The following ADAMTSL1 variants were observed in gnomAD, a reference collection of about 807,000 sequenced individuals.
ADAMTSL1 encodes the protein ADAMTS like 1, also known as ADAMTS-like protein 1.
In ADAMTSL1, 126 loss-of-function variants were observed where a neutral mutation model predicts 201.8. That is an observed-to-expected ratio of 0.62 (90% CI 0.54 to 0.72). The LOEUF (loss-of-function observed/expected upper bound fraction) is 0.72. Among genes scored for constraint, ADAMTSL1 ranks in the 30% least tolerant of loss-of-function variants. The probability of loss-of-function intolerance (pLI) is 0.00; values close to 1 mark genes in which losing one functional copy is unlikely to be tolerated. For missense variants in ADAMTSL1, 2,679 were observed against 2,277.8 expected, an observed-to-expected ratio of 1.18 and a Z score of -3.59; for synonymous variants, 1,121 against 903.4, an observed-to-expected ratio of 1.24 and a Z score of -4.32.
intron 1 of ADAMTSL1, among the ~76,000 whole-genome samples, chr9:18,014,509 A>G (rs930054167): frequency 6.6e-6 from 1 of 152,096 alleles, no homozygotes; most frequent in African/African-American, 2.4e-5. Context: ...AGACTAATGA[A>G]AAGGAATTCA....
chr9:17,959,793 C>T (rs538829486), intron 1 of ADAMTSL1, among the ~76,000 whole-genome samples: 1 of 152,084 alleles, frequency 6.6e-6, no homozygotes, highest in African/African-American at 2.4e-5. Flanking sequence ...CTTCTTTCTT[C>T]TACCCTGACC....
intron 14 of ADAMTSL1, among the ~76,000 whole-genome samples, chr9:18,710,045 A>T (rs2133349329): frequency 6.6e-6 from 1 of 152,304 alleles, no homozygotes; most frequent in Admixed American, 6.5e-5. Flanking sequence ...TGATGAGCTA[A>T]CTTCTCACAT....
At chr9:18,342,306 A>G (rs1399977621) in intron 2 of ADAMTSL1, among the ~76,000 whole-genome samples, 1 of 152,126 alleles carries the variant, frequency 6.6e-6, no homozygotes, top group African/African-American at 2.4e-5. Flanking sequence ...TAGACAGTAT[A>G]TAGGTCATTG....
chr9:18,703,832 G>T (rs918326347), intron 13 of ADAMTSL1, among the ~76,000 whole-genome samples: 2 of 149,144 alleles, frequency 1.3e-5, no homozygotes, highest in African/African-American at 4.9e-5. Flanking sequence ...ATGTGCTTTT[G>T]GTATATCTTC....
chr9:18,253,496 C>T (rs1026542038), intron 2 of ADAMTSL1, among the ~76,000 whole-genome samples: 2 of 152,084 alleles, frequency 1.3e-5, no homozygotes, highest in East Asian at 1.9e-4. Context: ...AGAATGAAAA[C>T]TTCCACTTTC....
intron 4 of ADAMTSL1, among the ~76,000 whole-genome samples, chr9:18,613,910 C>A (rs1020084582): frequency 1.3e-5 from 2 of 152,116 alleles, no homozygotes; most frequent in Non-Finnish European, 2.9e-5. Flanking sequence ...AATATTATGA[C>A]TGAGGAGAAA....
chr9:18,186,559 T>G (rs1342297934), intron 2 of ADAMTSL1, among the ~76,000 whole-genome samples: 2 of 152,168 alleles, frequency 1.3e-5, no homozygotes, highest in East Asian at 3.9e-4. Context: ...AAGTAGACTT[T>G]GCATTTCAGT....
At chr9:18,209,342 C>T (rs747794413) in intron 2 of ADAMTSL1, among the ~76,000 whole-genome samples, 1 of 152,080 alleles carries the variant, frequency 6.6e-6, no homozygotes, top group Non-Finnish European at 1.5e-5. Flanking sequence ...GTGAATATGG[C>T]ACATTTATGC....
At chr9:18,599,872 G>T (rs1473314639) in intron 4 of ADAMTSL1, among the ~76,000 whole-genome samples, 1 of 150,946 alleles carries the variant, frequency 6.6e-6, no homozygotes, top group Non-Finnish European at 1.5e-5. Context: ...ATCAGATCTG[G>T]CTGGGCGCGG....
Position 18,031,885 on chromosome 9 carries a change from C to T in ADAMTSL1, c.87+124963C>T, listed in dbSNP as rs977763931. ...TATGTCTGTGAGTGGTCTGATGATA[C>T]AGGGGTCAAAGGCACATGATCCTGG... is the stretch of plus-strand genomic sequence containing the variant. On this transcript the variant is annotated intron_variant, in intron 1 of 29. Transcript: ENST00000680146. Among the ~76,000 whole-genome samples the T allele has an allele frequency of 3.3e-5, 5 of 152,270 alleles. No individual in the cohort carries two copies. The East Asian group carries it at 5.8e-4, about 18-fold the overall frequency.
chr9:18,767,042 A>G (rs1291930055), intron 16 of ADAMTSL1, among the ~76,000 whole-genome samples: 3 of 152,038 alleles, frequency 2.0e-5, no homozygotes, highest in Non-Finnish European at 4.4e-5. Flanking sequence ...AAAAGGAAAA[A>G]CTCAGGGGCC....
At chr9:18,323,742 A>G (rs1451942723) in intron 2 of ADAMTSL1, among the ~76,000 whole-genome samples, 2 of 152,214 alleles carry the variant, frequency 1.3e-5, no homozygotes, top group Non-Finnish European at 2.9e-5. Flanking sequence ...AGCTTTAAAC[A>G]TATGAAATAC....
At chr9:18,499,014 C>A (rs1822691063) in intron 1 of ADAMTSL1, among the ~76,000 whole-genome samples, 1 of 152,228 alleles carries the variant, frequency 6.6e-6, no homozygotes, top group Non-Finnish European at 1.5e-5. Context: ...GCTGAGAAAG[C>A]AAAAGGGAGA....
intron 2 of ADAMTSL1, among the ~76,000 whole-genome samples, chr9:18,315,661 C>T (rs753887969): frequency 2.0e-5 from 3 of 152,188 alleles, no homozygotes; most frequent in Non-Finnish European, 4.4e-5. Flanking sequence ...CTGGAACTCG[C>T]GCTGGCCCAC....
chr9:18,648,096 G>A (rs1221378527), intron 7 of ADAMTSL1, among the ~76,000 whole-genome samples: 1 of 145,552 alleles, frequency 6.9e-6, no homozygotes, highest in Non-Finnish European at 1.5e-5. Flanking sequence ...ATATATTTAG[G>A]ATAGTTAGCT....
chr9:18,031,371 A>G (rs1309335059), intron 1 of ADAMTSL1, among the ~76,000 whole-genome samples: 1 of 151,558 alleles, frequency 6.6e-6, no homozygotes, highest in Non-Finnish European at 1.5e-5. Context: ...TGTGTTGTGT[A>G]TAGTTGATTG....
At position 18,163,519 on chromosome 9, in the gene ADAMTSL1, C is replaced by T. The variant is rs557013882; in HGVS notation, c.88-343C>T. 5.3e-5 allele frequency among the ~76,000 whole-genome samples: 8 copies of T among 152,050 alleles called. No individual in the cohort carries two copies. In the East Asian group the frequency reaches 1.6e-3, roughly 30 times the overall value. On this transcript the variant is annotated intron_variant, in intron 1 of 29. Coordinates refer to the ADAMTSL1 transcript ENST00000680146. ...AGGATTGATCCCTGTGGGTCCAAGACACATATGAGTTCAGATCCATGGATA... is the reference window on the plus strand; with the variant it reads ...AGGATTGATCCCTGTGGGTCCAAGATACATATGAGTTCAGATCCATGGATA...
chr9:18,078,507 G>A (rs553236788), intron 1 of ADAMTSL1, among the ~76,000 whole-genome samples: 1 of 152,150 alleles, frequency 6.6e-6, no homozygotes, highest in African/African-American at 2.4e-5. Flanking sequence ...GCTCATCCAG[G>A]GTTGTGCTCA....
At chr9:18,607,632 TTTG>T (rs1825111822) in intron 4 of ADAMTSL1, among the ~76,000 whole-genome samples, 1 of 152,062 alleles carries the variant, frequency 6.6e-6, no homozygotes, top group Non-Finnish European at 1.5e-5. Context: ...AACATGCAGG[TTTG>T]TTACCTATGT....
Sources: gnomAD v4.1 joint callset for allele counts (sites outside exome capture counted in the v4.1 genomes callset) on GRCh38, gnomAD v4.1.1 for gene constraint, MANE v1.5 for transcripts, NCBI Gene and HGNC (gene_info 2026-07-23, HGNC 2026-07-21) for gene names.